PTAR1: variants seen among roughly 807,000 people sequenced by gnomAD.
PTAR1 encodes the protein protein prenyltransferase alpha subunit repeat containing 1.
PTAR1 carries 17 observed loss-of-function variants against 45.5 expected under a neutral mutation model. The ratio of observed to expected loss-of-function variants is 0.37; its 90% CI spans 0.26 to 0.56. The LOEUF is 0.56. Ranked by LOEUF, PTAR1 falls within the 20% of genes least tolerant of loss-of-function variation. The pLI is 0.77. For synonymous variants in PTAR1, 169 were observed against 171.3 expected (o/e 0.99, Z 0.11); for missense variants, 391 against 476.3 (o/e 0.82, Z 1.67).
rs745796544 is a variant in PTAR1, at chr9:69,750,825, T to C, written c.212A>G (p.Lys71Arg). Residue 71 changes from lysine to arginine, a missense_variant, in exon 2 of 8, where the codon AAG becomes AGG. Physicochemically the swap from Lys to Arg is conservative, Grantham distance 26. This residue lies in a region of PTAR1 where 152 missense variants were observed against 160.0 expected (regional missense o/e 0.95). Transcript: ENST00000340434. ...CTTTCTTGTTCTGTACAAAAGGAGC[T>C]TGTTGTGGACATATGGTAAAAGGAA... ...VKFLLPYVHNKLLLYRTRKQW... is the reference protein window; with the variant it reads ...VKFLLPYVHNRLLLYRTRKQW... 8 of 1,611,602 alleles carry C rather than the reference T, an allele frequency of 5.0e-6. No homozygotes were observed. In the Admixed American group the frequency reaches 1.2e-4, roughly 24 times the overall value.
intron 2 of PTAR1, among the ~76,000 whole-genome samples, chr9:69,742,121 C>T (rs1386837559): frequency 6.6e-6 from 1 of 152,124 alleles, no homozygotes; most frequent in African/African-American, 2.4e-5. Flanking sequence ...TCTAATTAAC[C>T]TCTTCCTTTT....
At chr9:69,726,912 T>G (rs1335447216) in intron 5 of PTAR1, among the ~76,000 whole-genome samples, 1 of 151,814 alleles carries the variant, frequency 6.6e-6, no homozygotes, top group African/African-American at 2.4e-5. Flanking sequence ...CTGCAACTGA[T>G]TTTTTAAATT....
At chr9:69,759,786 T>TGAACGCTTG in intron 1 of PTAR1, 67 bp downstream of exon 1, 1 of 1,445,230 alleles carries the variant, frequency 6.9e-7, no homozygotes, top group Non-Finnish European at 9.2e-7. Context: ...CGAGGTCGGG[T>TGAACGCTTG]GGACGCTTGG....
intron 3 of PTAR1, among the ~76,000 whole-genome samples, chr9:69,737,350 G>C (rs1048281946): frequency 1.1e-4 from 17 of 151,972 alleles, no homozygotes; most frequent in African/African-American, 4.1e-4. Context: ...CAAAGTGCTG[G>C]GATTACAGGT....
chr9:69,753,912 G>A (rs191162956), intron 1 of PTAR1, among the ~76,000 whole-genome samples: 1 of 152,262 alleles, frequency 6.6e-6, no homozygotes, highest in Admixed American at 6.5e-5. Flanking sequence ...ACCAAATAAT[G>A]TCATGTGAAA....
intron 6 of PTAR1, among the ~76,000 whole-genome samples, chr9:69,721,607 T>C (rs372140909): frequency 6.8e-4 from 104 of 152,244 alleles, no homozygotes; most frequent in African/African-American, 2.3e-3. Flanking sequence ...AGAGAAATCT[T>C]TCATGAAAGG....
intron 5 of PTAR1, among the ~76,000 whole-genome samples, chr9:69,726,845 A>G (rs1015438348): frequency 3.3e-5 from 5 of 151,872 alleles, no homozygotes; most frequent in Non-Finnish European, 7.4e-5. Flanking sequence ...TTTACATATT[A>G]AAGATATTAA....
chr9:69,730,842 T>G (rs1328813987), intron 5 of PTAR1, among the ~76,000 whole-genome samples: 2 of 152,040 alleles, frequency 1.3e-5, no homozygotes, highest in African/African-American at 4.8e-5. Flanking sequence ...ATTTTCTATC[T>G]CTGGAGAACA....
At chr9:69,758,089 T>C (rs1826872581) in intron 1 of PTAR1, 1 of 152,122 alleles carries the variant, frequency 6.6e-6, no homozygotes, top group Admixed American at 6.5e-5. Context: ...ATTAATGAGG[T>C]TTTACAGTAG....
intron 1 of PTAR1, among the ~76,000 whole-genome samples, chr9:69,754,972 A>G (rs768626828): frequency 2.0e-5 from 3 of 152,154 alleles, no homozygotes; most frequent in Non-Finnish European, 4.4e-5. Context: ...CACATAATCA[A>G]TTTTGATATT....
intron 3 of PTAR1, among the ~76,000 whole-genome samples, chr9:69,734,550 G>A (rs965044362): frequency 6.6e-6 from 1 of 152,050 alleles, no homozygotes; most frequent in Non-Finnish European, 1.5e-5. Context: ...ATTTGCGTGA[G>A]GGTAAATGGG....
Position 69,732,291 on chromosome 9 carries a change from T to G in PTAR1, c.490A>C (p.Asn164His). ...CTTTCTGTGGGAATTGTTCCCAAGTTTCCTTTGGTCACAAAGGAAGGCAAG... is the reference window on the plus strand; with the variant it reads ...CTTTCTGTGGGAATTGTTCCCAAGTGTCCTTTGGTCACAAAGGAAGGCAAG... Reference protein sequence around the residue: ...TSLPSFVTKGNLGTIPTERAQ... With the variant: ...TSLPSFVTKGHLGTIPTERAQ... Residue 164 changes from asparagine (N) to histidine (H), a missense_variant, in exon 5 of 8, where the codon AAC (asparagine) becomes CAC (histidine). This residue lies in a region of PTAR1 where 46 missense variants were observed against 39.6 expected (regional missense o/e 1.16). Coordinates refer to ENST00000340434, the MANE Select transcript of PTAR1 (RefSeq NM_001099666.2). 1.2e-6 allele frequency: 2 copies of G among 1,613,944 alleles called. No individual in the cohort carries two copies. Among genetic ancestry groups the G allele is most frequent in the East Asian group, 2.2e-5 (1 of 44,874 alleles).
Position 69,718,073 on chromosome 9 carries a change from C to A in PTAR1, c.*269G>T. On this transcript the variant is annotated 3_prime_UTR_variant, in exon 8 of 8. Coordinates refer to ENST00000340434, the MANE Select transcript of PTAR1 (RefSeq NM_001099666.2). ...ATCAGGAAAACCAAATGAGAAGCCC[C>A]ACATATAGAAATACAAAGGGTGAGA... 1 of 317,820 alleles carries A rather than the reference C, an allele frequency of 3.1e-6. No individual in the cohort carries two copies. The highest frequency in any genetic ancestry group is 5.8e-6 in the Non-Finnish European group (1 of 172,558). 19.7% of individuals were successfully genotyped at this position (317,820 alleles called of 1,614,324 possible).
At chr9:69,752,753 G>A (rs1166610189) in intron 1 of PTAR1, among the ~76,000 whole-genome samples, 4 of 151,956 alleles carry the variant, frequency 2.6e-5, no homozygotes, top group African/African-American at 9.7e-5. Context: ...AGTCCTGTAG[G>A]AAGAATAAGG....
In PTAR1 at chr9:69,713,418, A is replaced by G. The variant is rs1824600506; in HGVS notation, c.*4924T>C. The G allele has an allele frequency of 6.6e-6, 1 of 152,168 alleles. No homozygotes were observed. Among genetic ancestry groups the G allele is most frequent in the Non-Finnish European group, 1.5e-5 (1 of 68,016 alleles). 9.4% of individuals were successfully genotyped at this position (152,168 alleles called of 1,614,324 possible). ...TTGGAATCTTTAGCTATATATTTCT[A>G]TGAAATTATATTTGCTATCTTGAAA... On this transcript the variant is annotated 3_prime_UTR_variant, in exon 8 of 8. Coordinates refer to ENST00000340434, the MANE Select transcript of PTAR1 (RefSeq NM_001099666.2).
chr9:69,727,859 A>G (rs971830329), intron 5 of PTAR1, among the ~76,000 whole-genome samples: 4 of 152,182 alleles, frequency 2.6e-5, no homozygotes, highest in Admixed American at 6.5e-5. Context: ...AAGTGAAAAA[A>G]TAAATCAGTG....
intron 1 of PTAR1, among the ~76,000 whole-genome samples, chr9:69,755,411 G>A (rs1302014520): frequency 6.6e-6 from 1 of 152,082 alleles, no homozygotes; most frequent in East Asian, 1.9e-4. Context: ...CTTATGTTTA[G>A]ACAGCTTCTC....
rs1824677003 is a variant in PTAR1 at position 69,715,104 on chromosome 9, T to C, written c.*3238A>G. On this transcript the variant is annotated 3_prime_UTR_variant, in exon 8 of 8. Coordinates refer to ENST00000340434, the MANE Select transcript of PTAR1 (RefSeq NM_001099666.2). ...TTAATGCAAGTGGGTTCTTTAGCTC[T>C]ACAAATTTTTAATATATATTATAAT... 6.6e-6 allele frequency: 1 copy of C among 152,028 alleles called. No homozygotes were observed. Among genetic ancestry groups the C allele is most frequent in the Non-Finnish European group, 1.5e-5 (1 of 67,970 alleles). 9.4% of individuals were successfully genotyped at this position (152,028 alleles called of 1,614,324 possible).
At chr9:69,752,171 A>C (rs185931663) in intron 1 of PTAR1, among the ~76,000 whole-genome samples, 3 of 152,196 alleles carry the variant, frequency 2.0e-5, no homozygotes, top group Admixed American at 6.6e-5. Context: ...TGGTTTTCAG[A>C]GTTTGTGTGT....
Sources: gnomAD v4.1 joint callset for allele counts (sites outside exome capture counted in the v4.1 genomes callset) on GRCh38, gnomAD v4.1.1 for gene constraint, gnomAD v4.1.1 regional missense constraint, MANE v1.5 for transcripts, NCBI Gene and HGNC (gene_info 2026-07-23, HGNC 2026-07-21) for gene names.